Variants in KYAT1 observed in about 807,000 individuals in gnomAD.
KYAT1 encodes kynurenine--oxoglutarate transaminase 1.
In KYAT1, 47 loss-of-function variants were observed where a neutral mutation model predicts 52.4. That is an observed-to-expected ratio of 0.90 (90% CI 0.71 to 1.14). KYAT1 has a LOEUF of 1.14. KYAT1 is among the 50% of genes most tolerant of loss of function. KYAT1 has a pLI of 0.00. For synonymous variants in KYAT1, 212 were observed against 209.6 expected (o/e 1.01, Z -0.10); for missense variants, 480 against 557.9 (o/e 0.86, Z 1.41).
intron 1 of KYAT1, among the ~76,000 whole-genome samples, chr9:128,851,826 C>T (rs1833989841): frequency 6.6e-6 from 1 of 152,172 alleles, no homozygotes; most frequent in African/African-American, 2.4e-5. Context: ...CAATCAATTA[C>T]AGGAGGTAAT....
chr9:128,843,591 C>T (rs1832591976), intron 2 of KYAT1, among the ~76,000 whole-genome samples: 1 of 152,094 alleles, frequency 6.6e-6, no homozygotes, highest in African/African-American at 2.4e-5. Context: ...GTTGGCCAGG[C>T]TGGTCTCGAA....
chr9:128,862,246 T>C (rs910069856), intron 1 of KYAT1, among the ~76,000 whole-genome samples: 25 of 152,266 alleles, frequency 1.6e-4, no homozygotes, highest in African/African-American at 5.5e-4. Context: ...CAAGGCATCC[T>C]CCTGCCGCAG....
chr9:128,843,085 T>A (rs1472574181), intron 2 of KYAT1, among the ~76,000 whole-genome samples: 1 of 152,124 alleles, frequency 6.6e-6, no homozygotes, highest in Admixed American at 6.5e-5. Context: ...AAGAATCACT[T>A]GAACCCGGGA....
intron 5 of KYAT1, 39 bp downstream of exon 5, chr9:128,838,012 G>T: frequency 6.3e-7 from 1 of 1,599,718 alleles, no homozygotes; most frequent in Non-Finnish European, 8.6e-7. Flanking sequence ...CCACGCCTTG[G>T]ATCCCTCTGC....
intron 1 of KYAT1, among the ~76,000 whole-genome samples, chr9:128,880,435 C>T (rs1303202138): frequency 6.6e-6 from 1 of 151,268 alleles, no homozygotes; most frequent in East Asian, 1.9e-4. Context: ...TTCTCCACTT[C>T]CTGGCTATGA....
intron 1 of KYAT1, among the ~76,000 whole-genome samples, chr9:128,854,403 T>C (rs1244313810): frequency 6.6e-6 from 1 of 151,906 alleles, no homozygotes; most frequent in Non-Finnish European, 1.5e-5. Context: ...AAATAAAACA[T>C]AAAAAATAGA....
chr9:128,855,714 T>C (rs1040406295), intron 1 of KYAT1, among the ~76,000 whole-genome samples: 1 of 152,192 alleles, frequency 6.6e-6, no homozygotes, highest in Non-Finnish European at 1.5e-5. Flanking sequence ...CCTGTGTCCA[T>C]GGACCGACCG....
Position 128,835,226 on chromosome 9 carries a change from G to A in KYAT1, c.1122+97C>T, listed in dbSNP as rs938919825. 23 of 950,046 alleles carry A rather than the reference G, an allele frequency of 2.4e-5. 1 individual carries two copies. The highest frequency in any genetic ancestry group is 5.1e-5 in the Admixed American group (3 of 59,190). The allele number at this position is 950,046 out of a possible 1,614,324, so 58.9% of individuals were successfully genotyped here. A position where few individuals can be genotyped will look rare whatever the true frequency, so the allele number is the denominator to read the frequency against. On this transcript the variant is annotated intron_variant, in intron 11 of 12. Coordinates refer to ENST00000302586, the MANE Select transcript of KYAT1 (RefSeq NM_004059.5). Reference sequence around the variant, plus strand: ...GCCCCAAGGTTGACGGCAGAGGCTGGACTAAGATCTAGCCCAGGAGCCTCT... The same window carrying A: ...GCCCCAAGGTTGACGGCAGAGGCTGAACTAAGATCTAGCCCAGGAGCCTCT...
chr9:128,834,324 T>C (rs996199759), intron 11 of KYAT1, among the ~76,000 whole-genome samples: 9 of 152,098 alleles, frequency 5.9e-5, no homozygotes, highest in Non-Finnish European at 1.0e-4. Context: ...TCCCTGGGTA[T>C]AGAGGGCAGA....
At chr9:128,836,202 G>T in intron 7 of KYAT1, 129 bp from the exon 8 acceptor site, 2 of 633,500 alleles carry the variant, frequency 3.2e-6, no homozygotes, top group South Asian at 2.5e-5. Context: ...TAAGTTATTT[G>T]CACAATTTTT....
At chr9:128,875,798 G>T (rs1360160603) in intron 1 of KYAT1, among the ~76,000 whole-genome samples, 1 of 152,142 alleles carries the variant, frequency 6.6e-6, no homozygotes, top group Non-Finnish European at 1.5e-5. Context: ...CAGGCCAGGG[G>T]CCGAGGGCCA....
intron 1 of KYAT1, among the ~76,000 whole-genome samples, chr9:128,869,422 A>T (rs1836910695): frequency 6.6e-6 from 1 of 152,166 alleles, no homozygotes; most frequent in Admixed American, 6.6e-5. Flanking sequence ...CGGCCTCCCA[A>T]AGTGCTGGGA....
At chr9:128,846,865 G>A (rs1388573709) in intron 1 of KYAT1, 1 of 1,534,058 alleles carries the variant, frequency 6.5e-7, no homozygotes, top group South Asian at 1.2e-5. Context: ...ACCTGCTGTG[G>A]TCAATAGTGA....
intron 3 of KYAT1, among the ~76,000 whole-genome samples, chr9:128,840,038 A>T (rs1445514119): frequency 6.6e-6 from 1 of 151,860 alleles, no homozygotes; most frequent in Non-Finnish European, 1.5e-5. Flanking sequence ...TAAAACTGAG[A>T]CTCTGTCTTA....
At chr9:128,872,184 C>T (rs531871137) in intron 1 of KYAT1, among the ~76,000 whole-genome samples, 2 of 150,050 alleles carry the variant, frequency 1.3e-5, no homozygotes, top group Admixed American at 1.3e-4. Flanking sequence ...GTGGCTCACA[C>T]CTGTAATCCC....
intron 1 of KYAT1, among the ~76,000 whole-genome samples, chr9:128,867,669 G>C (rs1307172087): frequency 6.6e-6 from 1 of 152,200 alleles, no homozygotes; most frequent in African/African-American, 2.4e-5. Context: ...ATGAACCATT[G>C]TGCAACCACT....
At chr9:128,853,186 C>T (rs928597133) in intron 1 of KYAT1, among the ~76,000 whole-genome samples, 6 of 152,180 alleles carry the variant, frequency 3.9e-5, no homozygotes, top group African/African-American at 1.4e-4. Context: ...TTTATCAATT[C>T]TGCTGCATGC....
chr9:128,866,031 T>C (rs1836317516), intron 1 of KYAT1, among the ~76,000 whole-genome samples: 1 of 152,170 alleles, frequency 6.6e-6, no homozygotes, highest in Non-Finnish European at 1.5e-5. Flanking sequence ...TCTCAACATC[T>C]TGCACAGAGC....
At chr9:128,879,391 G>T (rs887427573) in intron 1 of KYAT1, among the ~76,000 whole-genome samples, 2 of 152,130 alleles carry the variant, frequency 1.3e-5, no homozygotes, top group African/African-American at 4.8e-5. Flanking sequence ...TCTGGCAGGA[G>T]TTACAGTGAC....
Sources: gnomAD v4.1 joint callset for allele counts (sites outside exome capture counted in the v4.1 genomes callset) on GRCh38, gnomAD v4.1.1 for gene constraint, MANE v1.5 for transcripts, NCBI Gene and HGNC (gene_info 2026-07-23, HGNC 2026-07-21) for gene names.